DOCK9: variants seen among roughly 807,000 people sequenced by gnomAD.
DOCK9 encodes the protein dedicator of cytokinesis protein 9.
A neutral mutation model predicts 263.3 loss-of-function variants in DOCK9; 89 were observed. That is an observed-to-expected ratio of 0.34 (90% CI 0.28 to 0.40). The LOEUF (loss-of-function observed/expected upper bound fraction) is 0.40, where lower values mean the gene tolerates loss of function less well. DOCK9 is among the 10% of genes least tolerant of loss of function. The probability of loss-of-function intolerance (pLI) is 1.00; values close to 1 mark genes in which losing one functional copy is unlikely to be tolerated. For missense variants in DOCK9, 2,140 were observed against 2,603.4 expected (o/e 0.82, Z 3.87); for synonymous variants, 976 against 973.1 (o/e 1.00, Z -0.06).
intron 1 of DOCK9, among the ~76,000 whole-genome samples, chr13:98,972,712 T>C (rs2059863101): frequency 6.6e-6 from 1 of 152,206 alleles, no homozygotes; most frequent in South Asian, 2.1e-4. Flanking sequence ...TGCTAAAAAA[T>C]CTGAAGCACG....
At chr13:99,003,522 G>A (rs192993680) in intron 1 of DOCK9, among the ~76,000 whole-genome samples, 156 of 152,242 alleles carry the variant, frequency 1.0e-3, no homozygotes, top group Non-Finnish European at 1.7e-3. Context: ...GTTGTGATGC[G>A]CTAAACCTCA....
At chr13:99,055,146 G>A (rs1373330519) in intron 1 of DOCK9, among the ~76,000 whole-genome samples, 7 of 151,972 alleles carry the variant, frequency 4.6e-5, no homozygotes, top group African/African-American at 1.2e-4. Flanking sequence ...TGAAACAACC[G>A]GGGTATCTAG....
chr13:98,806,541 G>A (rs1479141964), intron 48 of DOCK9, among the ~76,000 whole-genome samples: 1 of 152,178 alleles, frequency 6.6e-6, no homozygotes, highest in East Asian at 1.9e-4. Context: ...AAACAGAGAC[G>A]ATTGTGAAGA....
At chr13:99,060,378 G>A (rs547219327) in intron 1 of DOCK9, among the ~76,000 whole-genome samples, 7 of 152,074 alleles carry the variant, frequency 4.6e-5, no homozygotes, top group South Asian at 2.1e-4. Flanking sequence ...CGCCTGGCCC[G>A]ATTATTTCTA....
intron 2 of DOCK9, among the ~76,000 whole-genome samples, chr13:98,944,769 G>A (rs1288247386): frequency 1.3e-5 from 2 of 152,174 alleles, no homozygotes. Flanking sequence ...TAAGGACAGC[G>A]GGGTCATGAC....
chr13:98,855,139 T>C lies in DOCK9; in HGVS notation c.3831+759A>G, dbSNP rs147974952. ...CTAAGTATGAGGAGGAAGTGTTGTG[T>C]TGTGGGTGCGTGCTGTGTGAATAAA... is the stretch of plus-strand genomic sequence containing the variant. On this transcript the variant is annotated intron_variant, in intron 34 of 52. Coordinates refer to ENST00000682017, the MANE Select transcript of DOCK9 (RefSeq NM_001366683.2). Among the ~76,000 whole-genome samples, 503 of 152,270 alleles carry C rather than the reference T, an allele frequency of 3.3e-3. 3 individuals are homozygous for C. Among genetic ancestry groups the C allele is most frequent in the African/African-American group, 0.011 (469 of 41,544 alleles).
chr13:98,940,814 C>T (rs769779111), intron 2 of DOCK9, among the ~76,000 whole-genome samples: 1 of 152,120 alleles, frequency 6.6e-6, no homozygotes, highest in Admixed American at 6.5e-5. Flanking sequence ...AACCACAGTG[C>T]AGCACCCTAA....
At chr13:98,999,973 G>A (rs575456642) in intron 1 of DOCK9, among the ~76,000 whole-genome samples, 95 of 152,124 alleles carry the variant, frequency 6.2e-4, no homozygotes, top group African/African-American at 2.2e-3. Context: ...GCAAAGAACT[G>A]GTTAAAAAAA....
At chr13:99,001,888 G>T (rs1446623783) in intron 1 of DOCK9, among the ~76,000 whole-genome samples, 2 of 152,148 alleles carry the variant, frequency 1.3e-5, no homozygotes, top group East Asian at 3.9e-4. Flanking sequence ...AAGAATGTTA[G>T]GGCCCTATGA....
intron 2 of DOCK9, among the ~76,000 whole-genome samples, chr13:98,943,525 T>C (rs1242502315): frequency 6.6e-6 from 1 of 151,376 alleles, no homozygotes; most frequent in African/African-American, 2.4e-5. Context: ...GACTCTTCGT[T>C]TGTGTGTGTT....
intron 1 of DOCK9, among the ~76,000 whole-genome samples, chr13:99,000,740 A>G (rs149637537): frequency 6.6e-4 from 101 of 152,318 alleles, no homozygotes; most frequent in African/African-American, 2.3e-3. Flanking sequence ...TGCCACCCTC[A>G]GTTAACAACT....
Position 99,015,012 on chromosome 13 carries a change from G to A in DOCK9, c.130-59461C>T, listed in dbSNP as rs557911974. 1.6e-4 allele frequency among the ~76,000 whole-genome samples: 24 copies of A among 150,464 alleles called. No homozygotes were observed. In the South Asian group the frequency reaches 2.3e-3, roughly 14 times the overall value. ...TGCTCCCTTTAAATTTCTCCCCCCCGCATCAAGGACTGGCCATAAGCCATT... is the reference window on the plus strand; with the variant it reads ...TGCTCCCTTTAAATTTCTCCCCCCCACATCAAGGACTGGCCATAAGCCATT... On this transcript the variant is annotated intron_variant, in intron 1 of 32. Coordinates refer to the DOCK9 transcript ENST00000427887.
Position 99,064,918 on chromosome 13 carries a change from A to G in DOCK9, c.129+21305T>C, listed in dbSNP as rs112669907. On this transcript the variant is annotated intron_variant, in intron 1 of 32. Transcript: ENST00000427887. ...TAATCCATTCCTCTGCTGGTGGTTT[A>G]TAAGGGGAGATGAGATTCTCATCTG... 5.3e-3 allele frequency among the ~76,000 whole-genome samples: 808 copies of G among 152,326 alleles called. 6 individuals carry two copies. Among genetic ancestry groups the G allele is most frequent in the African/African-American group, 0.018 (755 of 41,580 alleles).
intron 49 of DOCK9, among the ~76,000 whole-genome samples, chr13:98,801,342 T>C (rs1389508113): frequency 6.6e-6 from 1 of 152,040 alleles, no homozygotes; most frequent in Non-Finnish European, 1.5e-5. Context: ...ACAAAGAATA[T>C]ACTCCTAAGC....
chr13:98,884,939 T>C (rs776935300), intron 21 of DOCK9, 32 bp downstream of exon 21: 12 of 1,596,344 alleles, frequency 7.5e-6, no homozygotes, highest in African/African-American at 6.7e-5. Context: ...TCTGAAGAAA[T>C]TGGGATGACC....
intron 1 of DOCK9, among the ~76,000 whole-genome samples, chr13:99,050,013 T>C (rs2040612593): frequency 6.6e-6 from 1 of 152,212 alleles, no homozygotes; most frequent in African/African-American, 2.4e-5. Flanking sequence ...AATTGAAATA[T>C]GATATGTGAA....
Position 98,867,486 on chromosome 13 carries a change from T to C in DOCK9, c.3225A>G (p.Glu1075=). ...TTGGTAAGTTCAACGGAATATAATG[T>C]TCATGGTTGCACACTACACGGAGAA... is the stretch of plus-strand genomic sequence containing the variant. The part of the protein sequence containing the change: ...FEFLRVVCNH[E]HYIPLNLPMP... Residue 1075 remains glutamate, a synonymous_variant, in exon 30 of 53, where the codon GAA becomes GAG. Coordinates refer to ENST00000682017, the MANE Select transcript of DOCK9 (RefSeq NM_001366683.2). 6.2e-7 allele frequency: 1 copy of C among 1,613,064 alleles called. No individual in the cohort carries two copies. Among genetic ancestry groups the C allele is most frequent in the Non-Finnish European group, 8.5e-7 (1 of 1,179,504 alleles).
At chr13:99,008,569 T>C (rs893217075) in intron 1 of DOCK9, among the ~76,000 whole-genome samples, 4 of 152,208 alleles carry the variant, frequency 2.6e-5, no homozygotes, top group Admixed American at 6.5e-5. Context: ...TACAAGACTA[T>C]ATAACATAAC....
intron 1 of DOCK9, among the ~76,000 whole-genome samples, chr13:99,029,059 C>T (rs1887072199): frequency 6.6e-6 from 1 of 152,210 alleles, no homozygotes; most frequent in Admixed American, 6.5e-5. Context: ...CTAGCTCCTT[C>T]CCCTCTGCTT....
Sources: allele counts gnomAD v4.1 joint callset (sites outside exome capture counted in the v4.1 genomes callset), GRCh38; gene constraint gnomAD v4.1.1; transcripts MANE v1.5; gene names NCBI Gene and HGNC (gene_info 2026-07-23, HGNC 2026-07-21).